Variants in SH2D3C observed in about 807,000 individuals in gnomAD.
SH2D3C encodes SH2 domain containing 3C.
Under a neutral mutation model 75.2 loss-of-function variants are expected in SH2D3C, and 25 were observed. That is an observed-to-expected ratio of 0.33 (90% CI 0.24 to 0.46). SH2D3C has a LOEUF of 0.46. Among genes scored for constraint, SH2D3C ranks in the 20% least tolerant of loss-of-function variants. The pLI is 1.00. For missense variants in SH2D3C, 933 were observed against 1,165.3 expected, an observed-to-expected ratio of 0.80 and a Z score of 2.90; for synonymous variants, 450 against 473.7, an observed-to-expected ratio of 0.95 and a Z score of 0.65.
rs2233508 is a variant in SH2D3C at position 127,745,109 on chromosome 9, G to C, written c.1265-10C>G. 15,916 of 1,487,016 alleles carry C rather than the reference G, an allele frequency of 0.011. 110 individuals are homozygous for C. Among genetic ancestry groups the C allele is most frequent in the Non-Finnish European group, 0.013 (14,319 of 1,122,010 alleles). 92.1% of individuals were successfully genotyped at this position (1,487,016 alleles called of 1,614,324 possible). ...GCATGGACACGGGTTACTGCAGAAA[G>C]GTAGAGAGAGAGGCCCCGTTATAGC... is the stretch of plus-strand genomic sequence containing the variant. On this transcript the variant is annotated splice_polypyrimidine_tract_variant and intron_variant, in intron 6 of 11. Coordinates refer to ENST00000314830, the MANE Select transcript of SH2D3C (RefSeq NM_170600.3).
chr9:127,756,843 A>T (rs559582732), intron 3 of SH2D3C, among the ~76,000 whole-genome samples: 2 of 151,878 alleles, frequency 1.3e-5, no homozygotes, highest in Admixed American at 1.3e-4. Context: ...ACAGGGTTTC[A>T]CCGTGGTCTC....
chr9:127,775,044 C>T (rs1486880561), intron 1 of SH2D3C, among the ~76,000 whole-genome samples: 2 of 151,964 alleles, frequency 1.3e-5, no homozygotes, highest in African/African-American at 4.8e-5. Flanking sequence ...GCCGAGACTG[C>T]ACCATTGCAT....
rs1845198513 is a variant in SH2D3C, at chr9:127,751,406, G to A, written c.556-106C>T. The A allele has an allele frequency of 5.5e-6, 6 of 1,089,858 alleles. No individual in the cohort carries two copies. The highest frequency in any genetic ancestry group is 8.2e-6 in the Non-Finnish European group (6 of 730,996). 67.5% of individuals were successfully genotyped at this position (1,089,858 alleles called of 1,614,324 possible). A position where few individuals can be genotyped will look rare whatever the true frequency, so the allele number is the denominator to read the frequency against. On this transcript the variant is annotated intron_variant, in intron 3 of 11. Coordinates refer to ENST00000314830, the MANE Select transcript of SH2D3C (RefSeq NM_170600.3). The surrounding 1 kb of genome is among the most constrained non-coding windows in gnomAD (Gnocchi z 4.1). ...GAACTCCTCCTATCCTGGGACTCTG[G>A]GAACACTAAGGCACAGGTGCCAGAC...
At position 127,754,792 on chromosome 9, in the gene SH2D3C, C is replaced by T. The variant is rs567999439; in HGVS notation, c.556-3492G>A. ...CCGGAGACCCCATCTCCCAGTCCCCCCTGCCCCAGCTCTCTCCCTCCTGCG... is the reference window on the plus strand; with the variant it reads ...CCGGAGACCCCATCTCCCAGTCCCCTCTGCCCCAGCTCTCTCCCTCCTGCG... On this transcript the variant is annotated intron_variant, in intron 3 of 11. Coordinates refer to ENST00000314830, the MANE Select transcript of SH2D3C (RefSeq NM_170600.3). This position sits in a 1 kb window ranked among gnomAD's most constrained non-coding sequence, Gnocchi z 4.4. The T allele has an allele frequency of 4.2e-6, 2 of 479,698 alleles. No individual in the cohort carries two copies. The highest frequency in any genetic ancestry group is 6.7e-5 in the East Asian group (1 of 14,874). The allele number at this position is 479,698 out of a possible 1,614,324, so 29.7% of individuals were successfully genotyped here. A position where few individuals can be genotyped will look rare whatever the true frequency, so the allele number is the denominator to read the frequency against.
At chr9:127,747,412 G>T in intron 5 of SH2D3C, 141 bp from the exon 6 acceptor site, 1 of 774,802 alleles carries the variant, frequency 1.3e-6, no homozygotes, top group Non-Finnish European at 1.9e-6. Flanking sequence ...CCGACTGACA[G>T]GTACCAAAAA....
In SH2D3C at chr9:127,739,978, G is replaced by T; in HGVS notation, c.2201-90C>A. On this transcript the variant is annotated intron_variant, in intron 10 of 11. Transcript: ENST00000314830. The surrounding 1 kb of genome is among the most constrained non-coding windows in gnomAD (Gnocchi z 4.3). ...GGAAGCTGAGGTGCAGGAGGGAACG[G>T]GCCTGGCTGAGGTCCGGGAGAGAGC... 7.8e-7 allele frequency: 1 copy of T among 1,277,676 alleles called. No individual in the cohort carries two copies. Among genetic ancestry groups the T allele is most frequent in the Non-Finnish European group, 1.1e-6 (1 of 940,464 alleles). The allele number at this position is 1,277,676 out of a possible 1,614,324, so 79.1% of individuals were successfully genotyped here. A position where few individuals can be genotyped will look rare whatever the true frequency, so the allele number is the denominator to read the frequency against.
intron 1 of SH2D3C, among the ~76,000 whole-genome samples, chr9:127,777,297 GC>G (rs1829031690): frequency 6.6e-6 from 1 of 152,144 alleles, no homozygotes; most frequent in South Asian, 2.1e-4. Context: ...GGCAAGTGTG[GC>G]CCCTCACCGT....
rs1162635278 is a variant in SH2D3C at position 127,754,332 on chromosome 9, G to A, written c.556-3032C>T. Among the ~76,000 whole-genome samples, 1 of 152,112 alleles carries A rather than the reference G, an allele frequency of 6.6e-6. No homozygotes were observed. The highest frequency in any genetic ancestry group is 1.9e-4 in the East Asian group (1 of 5,176). Reference sequence around the variant, plus strand: ...GCCTGGCATCTCCCAGGGGGCTCAGGGGGCAGGAGCGCGGAGACCCCCGGA... The same window carrying A: ...GCCTGGCATCTCCCAGGGGGCTCAGAGGGCAGGAGCGCGGAGACCCCCGGA... On this transcript the variant is annotated intron_variant, in intron 3 of 11. Coordinates refer to ENST00000314830, the MANE Select transcript of SH2D3C (RefSeq NM_170600.3). The surrounding 1 kb of genome is among the most constrained non-coding windows in gnomAD (Gnocchi z 4.4).
chr9:127,742,566 A>G, intron 8 of SH2D3C: 1 of 356,848 alleles, frequency 2.8e-6, no homozygotes, highest in Non-Finnish European at 5.1e-6. Context: ...ACGAACAAGG[A>G]GGAGCCCCAG....
Position 127,766,884 on chromosome 9 carries a change from C to T in SH2D3C, c.516-5234G>A, listed in dbSNP as rs758449230. ...GTGCCCAGCTTCTTTCCTTCCTTCACGCCCATCTTCACTCACCCACCGCAG... is the reference window on the plus strand; with the variant it reads ...GTGCCCAGCTTCTTTCCTTCCTTCATGCCCATCTTCACTCACCCACCGCAG... On this transcript the variant is annotated intron_variant, in intron 2 of 11. Coordinates refer to ENST00000314830, the MANE Select transcript of SH2D3C (RefSeq NM_170600.3). The T allele has an allele frequency of 6.2e-5, 93 of 1,500,968 alleles. 1 individual carries two copies. Among genetic ancestry groups the T allele is most frequent in the South Asian group, 3.0e-4 (24 of 81,028 alleles). The allele number at this position is 1,500,968 out of a possible 1,614,324, so 93.0% of individuals were successfully genotyped here. A position where few individuals can be genotyped will look rare whatever the true frequency, so the allele number is the denominator to read the frequency against.
At chr9:127,770,659 A>G (rs1022219204) in intron 2 of SH2D3C, among the ~76,000 whole-genome samples, 5 of 150,442 alleles carry the variant, frequency 3.3e-5, no homozygotes, top group African/African-American at 1.3e-4. Flanking sequence ...GGGACACTCC[A>G]GATGCTGGAG....
chr9:127,756,966 G>C (rs1845399313), intron 3 of SH2D3C, among the ~76,000 whole-genome samples: 1 of 151,954 alleles, frequency 6.6e-6, no homozygotes, highest in African/African-American at 2.4e-5. Flanking sequence ...TTTTGTTCTT[G>C]TTGCCCAGGC....
At chr9:127,771,029 T>G (rs1406726665) in intron 2 of SH2D3C, among the ~76,000 whole-genome samples, 1 of 152,162 alleles carries the variant, frequency 6.6e-6, no homozygotes, top group African/African-American at 2.4e-5. Flanking sequence ...ATGCCTGACC[T>G]GCGGTGACAA....
In SH2D3C at chr9:127,774,368, T is replaced by G. The variant is rs139943112; in HGVS notation, c.137A>C (p.Glu46Ala). ...CTGCGTGGCTTCAAAGGTGTCAGGC[T>G]CCAAATGGGACTGCCTACTGATGGA... is the stretch of plus-strand genomic sequence containing the variant. ...SASISRQSHL[E>A]PDTFEATQDD... is the part of the protein sequence containing the mutation. The change falls in exon 2 of 12, where the codon GAG becomes GCG. Residue 46 changes from glutamate (E) to alanine (A), a missense_variant. Coordinates refer to ENST00000314830, the MANE Select transcript of SH2D3C (RefSeq NM_170600.3). The surrounding 1 kb of genome is among the most constrained non-coding windows in gnomAD (Gnocchi z 4.3). 37 of 1,613,514 alleles carry G rather than the reference T, an allele frequency of 2.3e-5. No homozygotes were observed. The highest frequency in any genetic ancestry group is 2.8e-5 in the Non-Finnish European group (33 of 1,179,804).
At chr9:127,745,624 A>G (rs1414055517) in intron 6 of SH2D3C, among the ~76,000 whole-genome samples, 1 of 151,404 alleles carries the variant, frequency 6.6e-6, no homozygotes, top group Non-Finnish European at 1.5e-5. Flanking sequence ...GTCATGTGCC[A>G]CAACGCCTGG....
chr9:127,760,781 G>A (rs536374569), intron 3 of SH2D3C, among the ~76,000 whole-genome samples: 31 of 152,066 alleles, frequency 2.0e-4, no homozygotes, highest in African/African-American at 6.8e-4. Flanking sequence ...CAGCCAGCAC[G>A]GGGTCTGCAC....
At chr9:127,769,605 G>A (rs980797419) in intron 2 of SH2D3C, among the ~76,000 whole-genome samples, 12 of 146,322 alleles carry the variant, frequency 8.2e-5, no homozygotes, top group South Asian at 2.1e-4. Context: ...GCGGTCAGCC[G>A]AGATCACACC....
chr9:127,755,283 G>T (rs1048214263), intron 3 of SH2D3C: 1 of 1,096,286 alleles, frequency 9.1e-7, no homozygotes, highest in Non-Finnish European at 1.1e-6. Flanking sequence ...TTACCTCATC[G>T]CCTTGTCGGG....
At chr9:127,745,146 A>G (rs757203258) in intron 6 of SH2D3C, 47 bp from the exon 7 acceptor site, 3 of 1,432,210 alleles carry the variant, frequency 2.1e-6, no homozygotes, top group Non-Finnish European at 1.8e-6. Context: ...GCTCCCCACC[A>G]AAGTGAGATT....
Sources: allele counts gnomAD v4.1 joint callset (sites outside exome capture counted in the v4.1 genomes callset), GRCh38; gene constraint gnomAD v4.1.1; non-coding constraint Gnocchi (gnomAD v3.1); transcripts MANE v1.5; gene names NCBI Gene and HGNC (gene_info 2026-07-23, HGNC 2026-07-21).